STAB1: variants seen among roughly 807,000 people sequenced by gnomAD.
STAB1 encodes the protein stabilin 1, also known as stabilin-1.
A neutral mutation model predicts 332.4 loss-of-function variants in STAB1; 250 were observed. That is an observed-to-expected ratio of 0.75 (90% CI 0.68 to 0.84). The LOEUF (loss-of-function observed/expected upper bound fraction) is 0.84. Ranked by LOEUF, STAB1 falls within the 40% of genes least tolerant of loss-of-function variation. The pLI, the probability that STAB1 is intolerant of heterozygous loss-of-function variation, is 0.00. For synonymous variants in STAB1, 1,475 were observed against 1,390.4 expected, an observed-to-expected ratio of 1.06 and a Z score of -1.35; for missense variants, 3,249 against 3,489.7, an observed-to-expected ratio of 0.93 and a Z score of 1.74.
At position 52,502,633 on chromosome 3, in the gene STAB1, G is replaced by T; in HGVS notation, c.489G>T (p.Val163=). Residue 163 remains valine (V), a splice_region_variant and synonymous_variant, in exon 6 of 69, where the codon GTG becomes GTT. Transcript: ENST00000321725. ...PNRFGPDCQS[V]CSCVHGVCNH... ...TCTGTCTCTGTGTGTCCCTCCCAGTGTGCAGCTGTGTGCACGGAGTGTGCA... is the reference window on the plus strand; with the variant it reads ...TCTGTCTCTGTGTGTCCCTCCCAGTTTGCAGCTGTGTGCACGGAGTGTGCA... 1 of 1,611,164 alleles carries T rather than the reference G, an allele frequency of 6.2e-7. No individual in the cohort carries two copies.
In STAB1 at chr3:52,517,575, A is replaced by G. The variant is rs1204015187; in HGVS notation, c.4589A>G (p.Tyr1530Cys). The change falls in exon 44 of 69, where the codon TAC becomes TGC. Residue 1530 changes from tyrosine to cysteine, a missense_variant. Tyr to Cys is a radical substitution (Grantham distance 194). Transcript: ENST00000321725. ...GTCTCCTGCAGCTGCCGTGAGGGTT[A>G]CAGCGGGGATGGCATCCGGACCTGC... ...QQVSCSCREGYSGDGIRTCEL... is the reference protein window; with the variant it reads ...QQVSCSCREGCSGDGIRTCEL... 1 of 1,612,902 alleles carries G rather than the reference A, an allele frequency of 6.2e-7. No individual in the cohort carries two copies. Among genetic ancestry groups the G allele is most frequent in the Non-Finnish European group, 8.5e-7 (1 of 1,179,914 alleles).
chr3:52,506,017 T>C lies in STAB1; in HGVS notation c.1749+81T>C. ...GGTTCTGGACTTCCCCAAGGCCCCATCTCTTCTCCATCTCCCTTCCCTTCT... is the reference window on the plus strand; with the variant it reads ...GGTTCTGGACTTCCCCAAGGCCCCACCTCTTCTCCATCTCCCTTCCCTTCT... On this transcript the variant is annotated intron_variant, in intron 16 of 68. Transcript: ENST00000321725. 4 of 1,567,532 alleles carry C rather than the reference T, an allele frequency of 2.6e-6. No homozygotes were observed. The South Asian group carries it at 3.4e-5, about 13-fold the overall frequency.
rs1202183648 is a variant in STAB1, at chr3:52,521,416, C to T, written c.5964C>T (p.Gly1988=). The T allele has an allele frequency of 6.2e-7, 1 of 1,613,992 alleles. No individual in the cohort carries two copies. The highest frequency in any genetic ancestry group is 2.2e-5 in the East Asian group (1 of 44,878). Residue 1988 remains glycine, a synonymous_variant, in exon 56 of 69, where the codon GGC becomes GGT. Transcript: ENST00000321725. ...PCSDRGVCMD[G]MSGSGQCLCR... ...GTGACCGTGGCGTGTGCATGGACGG[C>T]ATGAGTGGCAGTGGGCAGTGTCTGT...
At position 52,511,761 on chromosome 3, in the gene STAB1, G is replaced by A; in HGVS notation, c.2883+16G>A. ...CCACGGCCTGGTAAGGGGGTGCAAG[G>A]CTCAGAGCCCTGGGGAAGCTTTCTG... On this transcript the variant is annotated intron_variant, in intron 26 of 68. Coordinates refer to ENST00000321725, the MANE Select transcript of STAB1 (RefSeq NM_015136.3). 6.4e-7 allele frequency: 1 copy of A among 1,556,986 alleles called. No individual in the cohort carries two copies. Among genetic ancestry groups the A allele is most frequent in the Non-Finnish European group, 8.7e-7 (1 of 1,145,760 alleles).
At chr3:52,509,607 G>T in intron 22 of STAB1, 1 of 594,776 alleles carries the variant, frequency 1.7e-6, no homozygotes, top group Non-Finnish European at 3.0e-6. Flanking sequence ...AAAGTATGCG[G>T]GACTTAGGTC....
At chr3:52,518,197 C>G in intron 45 of STAB1, 115 bp from the exon 46 acceptor site, 1 of 1,546,548 alleles carries the variant, frequency 6.5e-7, no homozygotes, top group Non-Finnish European at 8.8e-7. Flanking sequence ...TCAGACCCCG[C>G]GGCTTTCCTT....
At position 52,505,119 on chromosome 3, in the gene STAB1, C is replaced by T; in HGVS notation, c.1494C>T (p.Pro498=). 6.2e-7 allele frequency: 1 copy of T among 1,613,272 alleles called. No homozygotes were observed. ...HVVTGLRWQA[P]SGTPGDPKRT... ...TCACTGGCCTGCGGTGGCAGGCCCC[C>T]TCTGGGACCCCTGGGGATCCCAAGG... Residue 498 remains proline, a synonymous_variant, in exon 13 of 69, where the codon CCC becomes CCT. Coordinates refer to ENST00000321725, the MANE Select transcript of STAB1 (RefSeq NM_015136.3).
intron 6 of STAB1, 106 bp from the exon 7 acceptor site, chr3:52,502,893 G>A: frequency 8.0e-7 from 1 of 1,250,816 alleles, no homozygotes; most frequent in Non-Finnish European, 1.1e-6. Context: ...GCCCAGCAAG[G>A]TCAGGGCCCT....
At position 52,524,463 on chromosome 3, in the gene STAB1, G is replaced by C; in HGVS notation, c.*107G>C. ...CTGAGGGCCTGTCCCAGACAATAAA[G>C]GTGCCCTCAGCGGATGTGGGCCATG... On this transcript the variant is annotated 3_prime_UTR_variant, in exon 69 of 69. Transcript: ENST00000321725. The C allele has an allele frequency of 6.2e-7, 1 of 1,612,690 alleles. No individual in the cohort carries two copies. The highest frequency in any genetic ancestry group is 8.5e-7 in the Non-Finnish European group (1 of 1,179,938).
rs150673821 is a variant in STAB1, at chr3:52,503,434, A to C, written c.785A>C (p.Asn262Thr). The change falls in exon 8 of 69, where the codon AAC becomes ACC. Residue 262 changes from asparagine to threonine, a missense_variant. By Grantham distance (65) the Asn-to-Thr change is moderately conservative. Transcript: ENST00000321725. ...KGQAQCHCPE[N>T]YHGDGMVCLP... ...CAGGCTCAGTGTCACTGCCCTGAGA[A>C]CTACCATGGCGATGGGATGGTGTGT... 297 of 1,613,798 alleles carry C rather than the reference A, an allele frequency of 1.8e-4. 2 individuals carry two copies. The highest frequency in any genetic ancestry group is 8.2e-4 in the Middle Eastern group (5 of 6,062).
intron 23 of STAB1, 35 bp from the exon 24 acceptor site, chr3:52,510,107 G>T (rs1559691325): frequency 1.2e-6 from 2 of 1,613,644 alleles, no homozygotes; most frequent in Non-Finnish European, 1.7e-6. Flanking sequence ...TCATACCTGA[G>T]GCTCACTGGA....
At position 52,509,161 on chromosome 3, in the gene STAB1, TAG is replaced by T. The variant is rs770253279; in HGVS notation, c.2236-44_2236-43del. 1.5e-5 allele frequency: 23 copies of T among 1,559,084 alleles called. No homozygotes were observed. The South Asian group carries it at 1.6e-4, about 11-fold the overall frequency. ...GGAGGGGGTGTTGGGAGAGGGGATG[TAG>T]AGAGTCCCTTTCCCATGACTGATCC... On this transcript the variant is annotated intron_variant, in intron 21 of 68. Coordinates refer to ENST00000321725, the MANE Select transcript of STAB1 (RefSeq NM_015136.3).
chr3:52,508,835 T>C (rs964669890), intron 21 of STAB1, among the ~76,000 whole-genome samples: 24 of 150,532 alleles, frequency 1.6e-4, no homozygotes, highest in African/African-American at 4.9e-4. Context: ...ATAACAATAA[T>C]AATAATAATA....
Position 52,502,068 on chromosome 3 carries a change from A to G in STAB1, c.394A>G (p.Arg132Gly). Residue 132 changes from arginine to glycine, a missense_variant, in exon 4 of 69, where the codon AGG becomes GGG. Transcript: ENST00000321725. ...GHGTCLDGMD[R>G]NGTCVCQENF... is the part of the protein sequence containing the mutation. ...CGGGACCTGCTTGGATGGCATGGACAGGAATGGGACCTGTGTGTGCCAGGT... is the reference window on the plus strand; with the variant it reads ...CGGGACCTGCTTGGATGGCATGGACGGGAATGGGACCTGTGTGTGCCAGGT... 5 of 1,613,622 alleles carry G rather than the reference A, an allele frequency of 3.1e-6. No homozygotes were observed. The highest frequency in any genetic ancestry group is 4.2e-6 in the Non-Finnish European group (5 of 1,179,990).
Position 52,510,413 on chromosome 3 carries a change from A to G in STAB1, c.2693A>G (p.Asp898Gly). ...HCTCHKGWSGDGRVCVAIDEC... is the reference protein window; with the variant it reads ...HCTCHKGWSGGGRVCVAIDEC... ...ACATGCCACAAAGGCTGGAGTGGGG[A>G]TGGCCGCGTCTGTGTGGCTATTGAC... Residue 898 changes from aspartate to glycine, a missense_variant, in exon 25 of 69, where the codon GAT becomes GGT. Asp to Gly is a moderately conservative substitution (Grantham distance 94). Coordinates refer to ENST00000321725, the MANE Select transcript of STAB1 (RefSeq NM_015136.3). 5 of 1,613,838 alleles carry G rather than the reference A, an allele frequency of 3.1e-6. No individual in the cohort carries two copies. The highest frequency in any genetic ancestry group is 1.1e-5 in the South Asian group (1 of 91,072).
chr3:52,508,264 C>G lies in STAB1; in HGVS notation c.2149-9C>G. 1 of 1,608,756 alleles carries G rather than the reference C, an allele frequency of 6.2e-7. No homozygotes were observed. The highest frequency in any genetic ancestry group is 8.5e-7 in the Non-Finnish European group (1 of 1,176,214). ...AGATGGCCTCTTGGACCTGTTCTGT[C>G]TCTTATAGGAACAAGGCTGCTGCAA... On this transcript the variant is annotated splice_polypyrimidine_tract_variant and intron_variant, in intron 20 of 68. Coordinates refer to ENST00000321725, the MANE Select transcript of STAB1 (RefSeq NM_015136.3).
chr3:52,513,017 C>A, intron 29 of STAB1, 59 bp downstream of exon 29: 1 of 1,580,636 alleles, frequency 6.3e-7, no homozygotes, highest in East Asian at 2.3e-5. Flanking sequence ...AGTCCCTCCC[C>A]AGCGAGTCCT....
At position 52,502,838 on chromosome 3, in the gene STAB1, C is replaced by T. The variant is rs1708552081; in HGVS notation, c.583+111C>T. ...GCCTCAGCAGGACCTCCGCCTGGAGCCTAGTTGGGGAAGGGGTGTCATCTG... is the reference window on the plus strand; with the variant it reads ...GCCTCAGCAGGACCTCCGCCTGGAGTCTAGTTGGGGAAGGGGTGTCATCTG... On this transcript the variant is annotated intron_variant, in intron 6 of 68. Coordinates refer to ENST00000321725, the MANE Select transcript of STAB1 (RefSeq NM_015136.3). 3 of 1,312,418 alleles carry T rather than the reference C, an allele frequency of 2.3e-6. No individual in the cohort carries two copies. The Admixed American group carries it at 6.2e-5, about 27-fold the overall frequency. 81.3% of individuals were successfully genotyped at this position (1,312,418 alleles called of 1,614,324 possible).
chr3:52,519,208 G>T (rs1404337098), intron 48 of STAB1, 56 bp from the exon 49 acceptor site: 1 of 1,568,734 alleles, frequency 6.4e-7, no homozygotes, highest in African/African-American at 1.4e-5. Flanking sequence ...CTCAGGCCCC[G>T]ATAGCTTCCG....
Sources: allele counts gnomAD v4.1 joint callset (sites outside exome capture counted in the v4.1 genomes callset), GRCh38; gene constraint gnomAD v4.1.1; transcripts MANE v1.5; gene names NCBI Gene and HGNC (gene_info 2026-07-23, HGNC 2026-07-21).